CITED2: variants seen among roughly 807,000 people sequenced by gnomAD.
CITED2 encodes cbp/p300-interacting transactivator 2.
In CITED2, 2 loss-of-function variants were observed where a neutral mutation model predicts 11.8. The ratio of observed to expected loss-of-function variants is 0.17; its 90% CI spans 0.07 to 0.54. The LOEUF (loss-of-function observed/expected upper bound fraction) is 0.54. Among genes scored for constraint, CITED2 ranks in the 20% least tolerant of loss-of-function variants. CITED2 has a pLI of 0.94. For synonymous variants in CITED2, 210 were observed against 153.0 expected, an observed-to-expected ratio of 1.37 and a Z score of -2.75; for missense variants, 437 against 390.2, an observed-to-expected ratio of 1.12 and a Z score of -1.01.
At chr6:139,374,236 G>A (rs1374334699) in intron 1 of CITED2, 177 bp downstream of exon 1, 36 of 1,407,636 alleles carry the variant, frequency 2.6e-5, no homozygotes, top group Non-Finnish European at 3.4e-5. Context: ...GCCTAATAAA[G>A]GAAGTGCCCC....
chr6:139,373,911 G>A lies in CITED2; in HGVS notation c.34C>T (p.Arg12Cys), dbSNP rs1327812976. The A allele has an allele frequency of 6.3e-7, 1 of 1,599,788 alleles. No individual in the cohort carries two copies. The highest frequency in any genetic ancestry group is 8.5e-7 in the Non-Finnish European group (1 of 1,179,894). The change falls in exon 2 of 2, where the codon CGC becomes TGC. Residue 12 changes from arginine to cysteine, a missense_variant. Transcript: ENST00000367651. ...ADHMMAMNHG[R>C]FPDGTNGLHH... ...AGCCCATTGGTGCCGTCGGGGAAGC[G>A]CCCGTGGTTCATGGCCATCATATGG...
rs919587962 is a variant in CITED2, at chr6:139,373,408, A to C, written c.537T>G (p.Ser179=). 5.8e-6 allele frequency: 9 copies of C among 1,553,596 alleles called. No homozygotes were observed. Among genetic ancestry groups the C allele is most frequent in the African/African-American group, 1.4e-5 (1 of 70,692 alleles). Residue 179 remains serine (S), a synonymous_variant, in exon 2 of 2, where the codon TCT becomes TCG. Coordinates refer to ENST00000367651, the MANE Select transcript of CITED2 (RefSeq NM_006079.5). ...GSGGSSTPGG[S]GSSSGGGAGS... ...CCGCGCCGCCGCCCGAGCTGCTGCC[A>C]GAGCCGCCGGGGGTGCTGCTGCCGC...
At chr6:139,374,029 C>T in intron 1 of CITED2, 77 bp from the exon 2 acceptor site, 1 of 1,532,916 alleles carries the variant, frequency 6.5e-7, no homozygotes, top group South Asian at 1.2e-5. Flanking sequence ...TTTTGCTCGC[C>T]TCTGCCCCCC....
At position 139,373,850 on chromosome 6, in the gene CITED2, T is replaced by C. The variant is rs1778316452; in HGVS notation, c.95A>G (p.Gln32Arg). Residue 32 changes from glutamine to arginine, a missense_variant, in exon 2 of 2, where the codon CAG (glutamine) becomes CGG (arginine). Gln to Arg is a conservative substitution (Grantham distance 43, BLOSUM62 1). This residue lies in a region of CITED2 where 396 missense variants were observed against 325.2 expected (regional missense o/e 1.22). Transcript: ENST00000367651. ...HHPAHRMGMG[Q>R]FPSPHHHQQQ... is the part of the protein sequence containing the mutation. ...CTGGTGGTGATGGGGGCTCGGGAAC[T>C]GCCCCATGCCCATGCGGTGGGCAGG... 3 of 1,604,906 alleles carry C rather than the reference T, an allele frequency of 1.9e-6. No homozygotes were observed. Among genetic ancestry groups the C allele is most frequent in the Non-Finnish European group, 2.5e-6 (3 of 1,179,950 alleles).
chr6:139,373,975 A>G (rs1562315311), intron 1 of CITED2, 23 bp from the exon 2 acceptor site: 3 of 1,583,168 alleles, frequency 1.9e-6, no homozygotes, highest in South Asian at 1.1e-5. Context: ...AGGGCAGATA[A>G]TGAGACCCGC....
rs1424601501 is a variant in CITED2, at chr6:139,373,928, A to C, written c.17T>G (p.Met6Arg). The stretch of plus-strand genomic sequence containing the variant: ...GGGGAAGCGCCCGTGGTTCATGGCC[A>C]TCATATGGTCTGCCATTTCCAGTCC... MADHMMAMNHGRFPDG... is the reference protein window; with the variant it reads MADHMRAMNHGRFPDG... The change falls in exon 2 of 2, where the codon ATG (methionine) becomes AGG (arginine). Residue 6 changes from methionine to arginine, a missense_variant. This residue lies in a region of CITED2 where 396 missense variants were observed against 325.2 expected (regional missense o/e 1.22). Coordinates refer to ENST00000367651, the MANE Select transcript of CITED2 (RefSeq NM_006079.5). 3 of 1,598,814 alleles carry C rather than the reference A, an allele frequency of 1.9e-6. No individual in the cohort carries two copies. Among genetic ancestry groups the C allele is most frequent in the South Asian group, 2.2e-5 (2 of 91,002 alleles).
In CITED2 at chr6:139,373,952, C is replaced by T; in HGVS notation, c.-8G>A. Reference sequence around the variant, plus strand: ...CATCATATGGTCTGCCATTTCCAGTCCTGGAAGTGAAAAGGGCAGATAATG... The same window carrying T: ...CATCATATGGTCTGCCATTTCCAGTTCTGGAAGTGAAAAGGGCAGATAATG... On this transcript the variant is annotated splice_region_variant and 5_prime_UTR_variant, in exon 2 of 2. Coordinates refer to ENST00000367651, the MANE Select transcript of CITED2 (RefSeq NM_006079.5). The T allele has an allele frequency of 2.5e-6, 4 of 1,597,478 alleles. No individual in the cohort carries two copies. The highest frequency in any genetic ancestry group is 3.4e-6 in the Non-Finnish European group (4 of 1,179,378).
rs138834617 is a variant in CITED2 at position 139,372,907 on chromosome 6, AG to A, written c.*224del. ...GCTAGATATTTCAACTACATAAGGG[AG>A]GTGGGTGAATGTCAAGGCTACAAAA... On this transcript the variant is annotated 3_prime_UTR_variant, in exon 2 of 2. Coordinates refer to ENST00000367651, the MANE Select transcript of CITED2 (RefSeq NM_006079.5). 2.4e-3 allele frequency: 1,406 copies of A among 593,040 alleles called. 22 individuals carry two copies. Among genetic ancestry groups the A allele is most frequent in the African/African-American group, 0.023 (1,254 of 53,800 alleles). 36.7% of individuals were successfully genotyped at this position (593,040 alleles called of 1,614,324 possible). A position where few individuals can be genotyped will look rare whatever the true frequency, so the allele number is the denominator to read the frequency against.
In CITED2 at chr6:139,373,675, C is replaced by T. The variant is rs1470473338; in HGVS notation, c.270G>A (p.Ala90=). The T allele has an allele frequency of 6.2e-7, 1 of 1,612,338 alleles. No homozygotes were observed. The highest frequency in any genetic ancestry group is 1.1e-5 in the South Asian group (1 of 91,054). ...GGHPPSALAP[A]ARFNNSQFMG... The stretch of plus-strand genomic sequence containing the variant: ...TGAACTGGGAGTTGTTAAACCTGGC[C>T]GCGGGGGCCAGCGCGCTCGGGGGGT... Residue 90 remains alanine (A), a synonymous_variant, in exon 2 of 2, where the codon GCG becomes GCA. Transcript: ENST00000367651.
chr6:139,373,461 C>G lies in CITED2; in HGVS notation c.484G>C (p.Gly162Arg). The G allele has an allele frequency of 6.4e-7, 1 of 1,568,594 alleles. No homozygotes were observed. The highest frequency in any genetic ancestry group is 8.6e-7 in the Non-Finnish European group (1 of 1,158,606). The change falls in exon 2 of 2, where the codon GGC becomes CGC. Residue 162 changes from glycine to arginine, a missense_variant. This residue lies in a region of CITED2 where 396 missense variants were observed against 325.2 expected (regional missense o/e 1.22). Coordinates refer to ENST00000367651, the MANE Select transcript of CITED2 (RefSeq NM_006079.5). Reference sequence around the variant, plus strand: ...GAGCCGCCGGGGGTGCTGCTGCCGCCGCTGTGCTTGGGGTTGCAATCTCGG... The same window carrying G: ...GAGCCGCCGGGGGTGCTGCTGCCGCGGCTGTGCTTGGGGTTGCAATCTCGG... ...HFRDCNPKHS[G>R]GSSTPGGSGG...
rs1778327857 is a variant in CITED2 at position 139,374,151 on chromosome 6, C to T, written c.-8-199G>A. 4.1e-6 allele frequency: 6 copies of T among 1,467,546 alleles called. No individual in the cohort carries two copies. The East Asian group carries it at 1.0e-4, about 24-fold the overall frequency. The allele number at this position is 1,467,546 out of a possible 1,614,324, so 90.9% of individuals were successfully genotyped here. ...AGCTACCACTCATAACACAGCCGGA[C>T]GCTGCACAAACAGCCCCTTCCCCTG... is the stretch of plus-strand genomic sequence containing the variant. On this transcript the variant is annotated intron_variant, in intron 1 of 1. Coordinates refer to ENST00000367651, the MANE Select transcript of CITED2 (RefSeq NM_006079.5).
rs765720193 is a variant in CITED2 at position 139,373,906 on chromosome 6, G to A, written c.39C>T (p.Phe13=). ...GGTGCAGCCCATTGGTGCCGTCGGG[G>A]AAGCGCCCGTGGTTCATGGCCATCA... The part of the protein sequence containing the change: ...DHMMAMNHGR[F]PDGTNGLHHH... The change falls in exon 2 of 2, where the codon TTC becomes TTT. Residue 13 remains phenylalanine, a synonymous_variant. Coordinates refer to ENST00000367651, the MANE Select transcript of CITED2 (RefSeq NM_006079.5). 5.5e-5 allele frequency: 88 copies of A among 1,599,952 alleles called. No individual in the cohort carries two copies. The highest frequency in any genetic ancestry group is 7.2e-5 in the Non-Finnish European group (85 of 1,179,910).
At position 139,373,650 on chromosome 6, in the gene CITED2, T is replaced by C; in HGVS notation, c.295A>G (p.Met99Val). The C allele has an allele frequency of 6.2e-7, 1 of 1,613,642 alleles. No homozygotes were observed. The highest frequency in any genetic ancestry group is 8.5e-7 in the Non-Finnish European group (1 of 1,179,820). Residue 99 changes from methionine to valine, a missense_variant, in exon 2 of 2, where the codon ATG becomes GTG. Physicochemically the swap from Met to Val is conservative, Grantham distance 21. Coordinates refer to ENST00000367651, the MANE Select transcript of CITED2 (RefSeq NM_006079.5). ...PAARFNNSQF[M>V]GPPVASQGGS... ...CCCTGGCTGGCCACCGGGGGACCCATGAACTGGGAGTTGTTAAACCTGGCC... is the reference window on the plus strand; with the variant it reads ...CCCTGGCTGGCCACCGGGGGACCCACGAACTGGGAGTTGTTAAACCTGGCC...
chr6:139,373,570 G>A lies in CITED2; in HGVS notation c.375C>T (p.Asn125=). 1 of 1,614,092 alleles carries A rather than the reference G, an allele frequency of 6.2e-7. No homozygotes were observed. The highest frequency in any genetic ancestry group is 8.5e-7 in the Non-Finnish European group (1 of 1,179,978). Residue 125 remains asparagine, a synonymous_variant, in exon 2 of 2, where the codon AAC becomes AAT. Transcript: ENST00000367651. ...QLQKLNNQYF[N]HHPYPHNHYM... is the part of the protein sequence containing the mutation. ...AGTGGTTGTGGGGGTAGGGGTGATG[G>A]TTGAAATACTGGTTGTTGAGCTTCT... is the stretch of plus-strand genomic sequence containing the variant.
In CITED2 at chr6:139,372,886, G is replaced by A. The variant is rs1006557187; in HGVS notation, c.*246C>T. The stretch of plus-strand genomic sequence containing the variant: ...ACAACGAAAAAGACCAAGTTAGCTA[G>A]ATATTTCAACTACATAAGGGAGGTG... On this transcript the variant is annotated 3_prime_UTR_variant, in exon 2 of 2. Coordinates refer to ENST00000367651, the MANE Select transcript of CITED2 (RefSeq NM_006079.5). The A allele has an allele frequency of 3.6e-6, 2 of 554,164 alleles. No individual in the cohort carries two copies. Among genetic ancestry groups the A allele is most frequent in the Non-Finnish European group, 6.5e-6 (2 of 309,150 alleles). The allele number at this position is 554,164 out of a possible 1,614,324, so 34.3% of individuals were successfully genotyped here. A position where few individuals can be genotyped will look rare whatever the true frequency, so the allele number is the denominator to read the frequency against.
chr6:139,373,380 T>G lies in CITED2; in HGVS notation c.565A>C (p.Ser189Arg), dbSNP rs935181271. 1 of 1,578,350 alleles carries G rather than the reference T, an allele frequency of 6.3e-7. No individual in the cohort carries two copies. The change falls in exon 2 of 2, where the codon AGC becomes CGC. Residue 189 changes from serine (S) to arginine (R), a missense_variant. This residue lies in a region of CITED2 where 396 missense variants were observed against 325.2 expected (regional missense o/e 1.22). Transcript: ENST00000367651. ...CCGCTGCCGCCGCCGCTGTTGCTGC[T>G]GCCCGCGCCGCCGCCCGAGCTGCTG... ...SGSSSGGGAGSSNSGGGSGSG... is the reference protein window; with the variant it reads ...SGSSSGGGAGRSNSGGGSGSG...
chr6:139,373,398 A>AGCT lies in CITED2; in HGVS notation c.544_546dup (p.Ser183dup). ...TTGCTGCTGCCCGCGCCGCCGCCCG[A>AGCT]GCTGCTGCCAGAGCCGCCGGGGGTG... On this transcript the variant is annotated inframe_insertion, in exon 2 of 2. Coordinates refer to ENST00000367651, the MANE Select transcript of CITED2 (RefSeq NM_006079.5). The AGCT allele has an allele frequency of 3.2e-6, 5 of 1,562,776 alleles. No individual in the cohort carries two copies. Among genetic ancestry groups the AGCT allele is most frequent in the Non-Finnish European group, 4.3e-6 (5 of 1,158,074 alleles).
rs1430030724 is a variant in CITED2 at position 139,374,579 on chromosome 6, C to G, written c.-175G>C. The G allele has an allele frequency of 5.6e-6, 1 of 177,174 alleles. No individual in the cohort carries two copies. Among genetic ancestry groups the G allele is most frequent in the Non-Finnish European group, 1.2e-5 (1 of 84,238 alleles). 11.0% of individuals were successfully genotyped at this position (177,174 alleles called of 1,614,324 possible). ...CCGCTGGGGCAGATTCGGAGCCGTT[C>G]CCTTTTATTTCCCCTCCGTTGCCCT... On this transcript the variant is annotated 5_prime_UTR_variant, in exon 1 of 2. Transcript: ENST00000367651.
rs758774336 is a variant in CITED2, at chr6:139,373,839, G to A, written c.106C>T (p.Pro36Ser). The A allele has an allele frequency of 3.1e-6, 5 of 1,606,202 alleles. No individual in the cohort carries two copies. Among genetic ancestry groups the A allele is most frequent in the East Asian group, 2.2e-5 (1 of 44,886 alleles). The change falls in exon 2 of 2, where the codon CCC becomes TCC. Residue 36 changes from proline (P) to serine (S), a missense_variant. Physicochemically the swap from Pro to Ser is moderately conservative, Grantham distance 74. Transcript: ENST00000367651. ...GGCTGCTGCTGCTGGTGGTGATGGG[G>A]GCTCGGGAACTGCCCCATGCCCATG... is the stretch of plus-strand genomic sequence containing the variant. ...HRMGMGQFPS[P>S]HHHQQQQPQH...
Sources: allele counts gnomAD v4.1 joint callset, GRCh38; gene constraint gnomAD v4.1.1; regional missense constraint gnomAD v4.1.1; transcripts MANE v1.5; gene names NCBI Gene and HGNC (gene_info 2026-07-23, HGNC 2026-07-21).